PKD1L3: variants seen among roughly 807,000 people sequenced by gnomAD.
PKD1L3 encodes the protein polycystin-1-like protein 3.
In PKD1L3, 239 loss-of-function variants were observed where a neutral mutation model predicts 184.1. The observed-to-expected ratio is 1.30, with a 90% CI of 1.17 to 1.45. PKD1L3 has a LOEUF of 1.45. Among genes scored for constraint, PKD1L3 ranks in the 40% most tolerant of loss-of-function variants. The pLI is 0.00. For synonymous variants in PKD1L3, 996 were observed against 778.8 expected, an observed-to-expected ratio of 1.28 and a Z score of -4.64; for missense variants, 2,660 against 2,067.2, an observed-to-expected ratio of 1.29 and a Z score of -5.56.
At chr16:71,968,065 C>T (rs2039568289) in intron 13 of PKD1L3, 58 bp from the exon 14 acceptor site, 1 of 1,377,820 alleles carries the variant, frequency 7.3e-7, no homozygotes, top group Non-Finnish European at 1.0e-6. Context: ...TAGTTCCTGC[C>T]TCCTCCAGCT....
intron 17 of PKD1L3, among the ~76,000 whole-genome samples, chr16:71,953,492 T>TTACAAAGCAC (rs200815656): frequency 0.018 from 2,793 of 152,186 alleles, 78 homozygotes; most frequent in African/African-American, 0.059. Context: ...TTACAAAGCA[T>TTACAAAGCAC]TACAAAGCAC....
At position 71,973,346 on chromosome 16, in the gene PKD1L3, G is replaced by C; in HGVS notation, c.1931C>G (p.Thr644Arg). Reference sequence around the variant, plus strand: ...TACTTGGCATCCGGCGCTGCTCCATGTCTGGTTGTGGATCTCCCAGTAGTA... The same window carrying C: ...TACTTGGCATCCGGCGCTGCTCCATCTCTGGTTGTGGATCTCCCAGTAGTA... Reference protein sequence around the residue: ...QCYYWEIHNQTWSSAGCQVGP... With the variant: ...QCYYWEIHNQRWSSAGCQVGP... Residue 644 changes from threonine (T) to arginine (R), a missense_variant, in exon 12 of 30, where the codon ACA becomes AGA. Thr to Arg is a moderately conservative substitution (Grantham distance 71). Transcript: ENST00000620267. The C allele has an allele frequency of 4.5e-6, 7 of 1,551,676 alleles. No individual in the cohort carries two copies. Among genetic ancestry groups the C allele is most frequent in the Non-Finnish European group, 6.1e-6 (7 of 1,147,014 alleles).
At chr16:71,930,004 C>T in intron 29 of PKD1L3, 48 bp downstream of exon 29, 1 of 1,515,832 alleles carries the variant, frequency 6.6e-7, no homozygotes. Context: ...TACAGTGGAG[C>T]TTTCCCAGTG....
At chr16:71,963,424 A>C in intron 15 of PKD1L3, 73 bp from the exon 16 acceptor site, 2 of 1,388,218 alleles carry the variant, frequency 1.4e-6, no homozygotes, top group Non-Finnish European at 1.9e-6. Flanking sequence ...ACGTAATCTC[A>C]GACCATTAGT....
intron 5 of PKD1L3, among the ~76,000 whole-genome samples, chr16:71,985,101 T>A (rs1233691863): frequency 6.6e-6 from 1 of 152,194 alleles, no homozygotes; most frequent in East Asian, 1.9e-4. Context: ...ATTCAAGAAA[T>A]CTTGATTAAA....
chr16:71,943,348 C>G (rs768852812), intron 23 of PKD1L3, among the ~76,000 whole-genome samples: 6 of 151,722 alleles, frequency 4.0e-5, no homozygotes, highest in Non-Finnish European at 7.4e-5. Flanking sequence ...ACCAGCCTGA[C>G]CAACATAGTA....
chr16:71,979,729 G>A (rs1275069660), intron 9 of PKD1L3, 57 bp downstream of exon 9: 5 of 1,453,770 alleles, frequency 3.4e-6, no homozygotes, highest in South Asian at 3.1e-5. Flanking sequence ...TCACCCAAAT[G>A]CCTACATGGC....
rs193210477 is a variant in PKD1L3, at chr16:71,958,561, C to A, written c.2613-4260G>T. Among the ~76,000 whole-genome samples the A allele has an allele frequency of 4.6e-3, 695 of 151,570 alleles. 3 individuals are homozygous for A. The highest frequency in any genetic ancestry group is 6.0e-3 in the Non-Finnish European group (409 of 67,832). On this transcript the variant is annotated intron_variant, in intron 16 of 29. Coordinates refer to ENST00000620267, the MANE Select transcript of PKD1L3 (RefSeq NM_181536.2). ...TTGGGAGGCCGAGGTGAGTGGATCA[C>A]CCTGAGGTCAGGAGTTTGAGACCAG... is the stretch of plus-strand genomic sequence containing the variant.
chr16:71,957,125 A>C (rs1218307611), intron 16 of PKD1L3, among the ~76,000 whole-genome samples: 3 of 152,182 alleles, frequency 2.0e-5, no homozygotes, highest in Non-Finnish European at 4.4e-5. Flanking sequence ...AAATAATTTA[A>C]AAATATATAG....
At chr16:71,943,731 C>A (rs1458828447) in intron 23 of PKD1L3, among the ~76,000 whole-genome samples, 2 of 152,090 alleles carry the variant, frequency 1.3e-5, no homozygotes, top group Admixed American at 1.3e-4. Context: ...TCAACTGGCA[C>A]CTACAGAAGA....
chr16:71,931,109 T>C (rs2037944275), intron 28 of PKD1L3: 1 of 152,220 alleles, frequency 6.6e-6, no homozygotes, highest in South Asian at 2.1e-4. Flanking sequence ...TTTTAATGTT[T>C]TTTACTTTAT....
At chr16:71,932,952 A>G (rs1266817668) in intron 28 of PKD1L3, among the ~76,000 whole-genome samples, 2 of 151,166 alleles carry the variant, frequency 1.3e-5, no homozygotes, top group East Asian at 3.9e-4. Context: ...ACACCTGGCT[A>G]ATTTTTATTT....
Position 71,986,458 on chromosome 16 carries a change from C to A in PKD1L3, c.597G>T (p.Leu199=), listed in dbSNP as rs542388099. ...YPLPAHLSKT[L]CHPISQFPSV... ...AAGGAAACTGGCTGATGGGATGACA[C>A]AGGGTCTTGGACTAAAAGATAAAAA... Residue 199 remains leucine (L), a synonymous_variant, in exon 5 of 30, where the codon CTG becomes CTT. Coordinates refer to ENST00000620267, the MANE Select transcript of PKD1L3 (RefSeq NM_181536.2). 5.8e-6 allele frequency: 9 copies of A among 1,551,656 alleles called. No individual in the cohort carries two copies. In the East Asian group the frequency reaches 2.2e-4, roughly 38 times the overall value.
At chr16:71,930,463 G>A (rs1195363715) in intron 28 of PKD1L3, 2 of 255,062 alleles carry the variant, frequency 7.8e-6, no homozygotes, top group South Asian at 2.9e-4. Flanking sequence ...TGTCACATGA[G>A]TTTTGGCAAA....
In PKD1L3 at chr16:71,999,856, T is replaced by G. The variant is rs372167768; in HGVS notation, c.123A>C (p.Gln41His). The change falls in exon 1 of 30, where the codon CAA becomes CAC. Residue 41 changes from glutamine (Q) to histidine (H), a missense_variant. Coordinates refer to ENST00000620267, the MANE Select transcript of PKD1L3 (RefSeq NM_181536.2). ...QNNCYQLNRF[Q>H]CSFEEAQHYC... The stretch of plus-strand genomic sequence containing the variant: ...AATGCTGTGCTTCCTCAAAGCTGCA[T>G]TGAAATCTGTTAAGCTGGTAACAAT... 6.4e-7 allele frequency: 1 copy of G among 1,551,790 alleles called. No individual in the cohort carries two copies. The highest frequency in any genetic ancestry group is 8.7e-7 in the Non-Finnish European group (1 of 1,147,008).
chr16:71,992,839 T>C (rs1027565433), intron 3 of PKD1L3, among the ~76,000 whole-genome samples: 3 of 152,216 alleles, frequency 2.0e-5, no homozygotes, highest in Admixed American at 6.5e-5. Flanking sequence ...CCGATATTGA[T>C]TGCCGTCATT....
intron 12 of PKD1L3, among the ~76,000 whole-genome samples, chr16:71,971,189 A>T (rs999290661): frequency 6.6e-6 from 1 of 152,232 alleles, no homozygotes; most frequent in African/African-American, 2.4e-5. Context: ...AGAGGGCTTC[A>T]ATTATTCATG....
At chr16:71,943,245 C>T (rs1437514308) in intron 23 of PKD1L3, among the ~76,000 whole-genome samples, 1 of 151,980 alleles carries the variant, frequency 6.6e-6, no homozygotes, top group East Asian at 1.9e-4. Context: ...AAATAAGATA[C>T]AATGGCTGTG....
Position 71,954,303 on chromosome 16 carries a change from T to A in PKD1L3, c.2613-2A>T. ...ACAATCATGGAGGAAAACAGATGTCTGAAAAGAGAAATCAGAAGAGGAAAT... is the reference window on the plus strand; with the variant it reads ...ACAATCATGGAGGAAAACAGATGTCAGAAAAGAGAAATCAGAAGAGGAAAT... On this transcript the variant is annotated splice_acceptor_variant, in intron 16 of 29. Coordinates refer to ENST00000620267, the MANE Select transcript of PKD1L3 (RefSeq NM_181536.2). LOFTEE classifies it high-confidence loss of function. The A allele has an allele frequency of 6.6e-7, 1 of 1,523,628 alleles. No individual in the cohort carries two copies. The highest frequency in any genetic ancestry group is 1.4e-5 in the African/African-American group (1 of 72,038). 94.4% of individuals were successfully genotyped at this position (1,523,628 alleles called of 1,614,324 possible).
Sources: gnomAD v4.1 joint callset for allele counts (sites outside exome capture counted in the v4.1 genomes callset) on GRCh38, gnomAD v4.1.1 for gene constraint, MANE v1.5 for transcripts, NCBI Gene and HGNC (gene_info 2026-07-23, HGNC 2026-07-21) for gene names.